EFHC2: variants seen among roughly 807,000 people sequenced by gnomAD.
EFHC2 encodes EF-hand domain-containing family member C2.
Under a neutral mutation model 52.7 loss-of-function variants are expected in EFHC2, and 18 were observed. The ratio of observed to expected loss-of-function variants is 0.34; its 90% CI spans 0.24 to 0.51. The LOEUF is 0.51. Among genes scored for constraint, EFHC2 ranks in the 20% least tolerant of loss-of-function variants. The probability of loss-of-function intolerance (pLI) is 0.97; values close to 1 mark genes in which losing one functional copy is unlikely to be tolerated. For missense variants in EFHC2, 513 were observed against 562.5 expected (o/e 0.91, Z 0.89); for synonymous variants, 203 against 204.1 (o/e 0.99, Z 0.04).
rs766788394 is a variant in EFHC2, at chrX:44,241,785, T to C, written c.1280+336A>G. 5.3e-5 allele frequency among the ~76,000 whole-genome samples: 6 copies of C among 112,359 alleles called. No homozygotes were observed. The South Asian group carries it at 1.9e-3, about 35-fold the overall frequency. On this transcript the variant is annotated intron_variant, in intron 8 of 14. Coordinates refer to ENST00000420999, the MANE Select transcript of EFHC2 (RefSeq NM_025184.4). ...CGTATGGCCCACAAGGCCAAAAATA[T>C]TTCCTATCTGACCCTTTAAGAAAGA...
rs772090645 is a variant in EFHC2, at chrX:44,291,609, T to C, written c.232-18773A>G. ...GGGAAGTGGCTAGAATGCTAGAATG[T>C]TCACGTAGCTTTATCACTAATTAAC... On this transcript the variant is annotated intron_variant, in intron 2 of 14. Transcript: ENST00000420999. Among the ~76,000 whole-genome samples, 7 of 112,348 alleles carry C rather than the reference T, an allele frequency of 6.2e-5. No individual in the cohort carries two copies. In the South Asian group the frequency reaches 2.6e-3, roughly 41 times the overall value.
In EFHC2 at chrX:44,273,260, T is replaced by C. The variant is rs1379131727; in HGVS notation, c.232-424A>G. Among the ~76,000 whole-genome samples the C allele has an allele frequency of 4.4e-5, 5 of 112,640 alleles. No homozygotes were observed. The East Asian group carries it at 1.4e-3, about 31-fold the overall frequency. On this transcript the variant is annotated intron_variant, in intron 2 of 14. Transcript: ENST00000420999. The stretch of plus-strand genomic sequence containing the variant: ...CCTTGGTTCTGGCATAAAATTATCC[T>C]GACTGTTAGTCCTGATGATTGCTTG...
chrX:44,206,628 T>C (rs766795389), intron 11 of EFHC2, among the ~76,000 whole-genome samples: 1 of 111,246 alleles, frequency 9.0e-6, no homozygotes, highest in Admixed American at 9.6e-5. Context: ...AAAAATAAAA[T>C]ACCTAGGAAT....
chrX:44,333,260 G>A (rs1214846005), intron 1 of EFHC2, among the ~76,000 whole-genome samples: 1 of 111,622 alleles, frequency 9.0e-6, no homozygotes, highest in Admixed American at 9.6e-5. Context: ...TATGTAGACA[G>A]ATGGTTCTTG....
At chrX:44,229,569 A>T in intron 11 of EFHC2, 80 bp downstream of exon 11, 1 of 1,122,599 alleles carries the variant, frequency 8.9e-7, no homozygotes, top group Non-Finnish European at 1.2e-6. Flanking sequence ...TAGTTAACTG[A>T]TTAGGAAAGA....
chrX:44,291,552 A>G (rs952995957), intron 2 of EFHC2, among the ~76,000 whole-genome samples: 4 of 112,300 alleles, frequency 3.6e-5, no homozygotes, highest in African/African-American at 1.3e-4. Context: ...TGTCTGCATA[A>G]GACATGATTT....
chrX:44,278,583 G>A (rs971032647), intron 2 of EFHC2, among the ~76,000 whole-genome samples: 5 of 111,117 alleles, frequency 4.5e-5, no homozygotes, highest in African/African-American at 1.3e-4. Flanking sequence ...CATTCTCCCC[G>A]GAGGCAGGTC....
intron 1 of EFHC2, among the ~76,000 whole-genome samples, chrX:44,335,750 T>C (rs987906952): frequency 8.9e-6 from 1 of 112,200 alleles, no homozygotes; most frequent in Non-Finnish European, 1.9e-5. Flanking sequence ...AACAATAGTT[T>C]TTGAACTCAT....
At chrX:44,229,299 T>C (rs2037256967) in intron 11 of EFHC2, among the ~76,000 whole-genome samples, 1 of 111,648 alleles carries the variant, frequency 9.0e-6, no homozygotes, top group African/African-American at 3.3e-5. Context: ...CCCCCAGATT[T>C]TGGTAGGGAG....
Position 44,262,703 on chromosome X carries a change from A to G in EFHC2, c.383-1405T>C, listed in dbSNP as rs554937123. Reference sequence around the variant, plus strand: ...AGGCAGTTTATTAATCAACAGCAGTAAGAATAGCCTAAATATCAGCATTTC... The same window carrying G: ...AGGCAGTTTATTAATCAACAGCAGTGAGAATAGCCTAAATATCAGCATTTC... On this transcript the variant is annotated intron_variant, in intron 3 of 14. Coordinates refer to ENST00000420999, the MANE Select transcript of EFHC2 (RefSeq NM_025184.4). Among the ~76,000 whole-genome samples the G allele has an allele frequency of 2.7e-5, 3 of 111,093 alleles. No homozygotes were observed. In the South Asian group the frequency reaches 1.1e-3, roughly 42 times the overall value.
chrX:44,303,633 T>TAAAAAAAA (rs202203848), intron 2 of EFHC2, among the ~76,000 whole-genome samples: 1 of 91,188 alleles, frequency 1.1e-5, no homozygotes. Context: ...TTGTTTAATC[T>TAAAAAAAA]AAAAAAAAAA....
chrX:44,148,933 C>T (rs958959466), intron 14 of EFHC2, 37 bp from the exon 15 acceptor site: 2 of 1,081,651 alleles, frequency 1.8e-6, no homozygotes, highest in Non-Finnish European at 2.5e-6. Flanking sequence ...ATTAGAACCA[C>T]ATTTCAAAGT....
intron 13 of EFHC2, among the ~76,000 whole-genome samples, chrX:44,170,446 C>T (rs1569275473): frequency 1.8e-5 from 2 of 110,755 alleles, no homozygotes; most frequent in Non-Finnish European, 3.8e-5. Flanking sequence ...GAGGAGGAGG[C>T]AGGGGAAGCA....
intron 13 of EFHC2, among the ~76,000 whole-genome samples, chrX:44,173,356 A>C (rs938827763): frequency 1.8e-5 from 2 of 111,725 alleles, no homozygotes; most frequent in African/African-American, 3.3e-5. Context: ...TGCCATAAGG[A>C]GGGCTGTGCA....
chrX:44,155,573 T>A (rs1232583581), intron 14 of EFHC2, among the ~76,000 whole-genome samples: 1 of 112,412 alleles, frequency 8.9e-6, no homozygotes, highest in Non-Finnish European at 1.9e-5. Context: ...GAAATAAGGT[T>A]ATTTTTATTC....
intron 13 of EFHC2, among the ~76,000 whole-genome samples, chrX:44,175,209 T>G (rs926363409): frequency 4.5e-5 from 5 of 112,191 alleles, no homozygotes; most frequent in Non-Finnish European, 7.5e-5. Flanking sequence ...TGCAATAAGA[T>G]GACATACATT....
intron 1 of EFHC2, among the ~76,000 whole-genome samples, chrX:44,318,370 TGGGA>T (rs775684124): frequency 1.4e-3 from 154 of 111,925 alleles, no homozygotes; most frequent in African/African-American, 4.7e-3. Flanking sequence ...TGGCAGGGAC[TGGGA>T]GGAAGAAAGA....
Position 44,309,728 on chromosome X carries a change from G to A in EFHC2, c.231+2840C>T, listed in dbSNP as rs2147380443. ...TTGGAAAACGTGAGGCCAGGCATCGGTCCTCGTTTCTTGAGCCAGAATATC... is the reference window on the plus strand; with the variant it reads ...TTGGAAAACGTGAGGCCAGGCATCGATCCTCGTTTCTTGAGCCAGAATATC... On this transcript the variant is annotated intron_variant, in intron 2 of 14. Coordinates refer to ENST00000420999, the MANE Select transcript of EFHC2 (RefSeq NM_025184.4). 3.1e-6 allele frequency: 3 copies of A among 978,893 alleles called. No individual in the cohort carries two copies. In the South Asian group the frequency reaches 5.8e-5, roughly 19 times the overall value. The allele number at this position is 978,893 out of a possible 1,213,427, so 80.7% of individuals were successfully genotyped here.
At chrX:44,276,172 C>T (rs1476530263) in intron 2 of EFHC2, among the ~76,000 whole-genome samples, 1 of 111,121 alleles carries the variant, frequency 9.0e-6, no homozygotes, top group African/African-American at 3.3e-5. Context: ...AATCCCAACA[C>T]GTTAGGAGGC....
Sources: allele counts gnomAD v4.1 joint callset (sites outside exome capture counted in the v4.1 genomes callset), GRCh38; gene constraint gnomAD v4.1.1; transcripts MANE v1.5; gene names NCBI Gene and HGNC (gene_info 2026-07-23, HGNC 2026-07-21).